Variants in CSNK2A1 observed in about 807,000 individuals in gnomAD.
The protein encoded by CSNK2A1 is casein kinase II subunit alpha.
CSNK2A1 carries 10 observed loss-of-function variants against 62.9 expected under a neutral mutation model. The observed-to-expected ratio is 0.16, with a 90% CI of 0.10 to 0.27. The LOEUF is 0.27. Among genes scored for constraint, CSNK2A1 ranks in the 10% least tolerant of loss-of-function variants. The pLI is 1.00. For missense variants in CSNK2A1, 160 were observed against 492.0 expected (o/e 0.33, Z 6.38); for synonymous variants, 124 against 167.8 (o/e 0.74, Z 2.02).
intron 1 of CSNK2A1, among the ~76,000 whole-genome samples, chr20:535,590 T>C (rs1343341668): frequency 6.6e-6 from 1 of 152,098 alleles, no homozygotes; most frequent in Admixed American, 6.5e-5. Context: ...ACCCCGCCTC[T>C]ACTAAAAATA....
At chr20:487,986 G>T in intron 11 of CSNK2A1, 1 of 236,490 alleles carries the variant, frequency 4.2e-6, no homozygotes, top group Non-Finnish European at 8.3e-6. Flanking sequence ...GTGGTTAAGT[G>T]TATAAGTACT....
At chr20:485,109 A>AATATAAATATATATATATAT (rs2018062471) in intron 13 of CSNK2A1, among the ~76,000 whole-genome samples, 1 of 24,666 alleles carries the variant, frequency 4.1e-5, no homozygotes, top group Non-Finnish European at 7.2e-5. Flanking sequence ...AAAAAAAAAA[A>AATATAAATATATATATATAT]ATATATATAT....
Position 483,772 on chromosome 20 carries a change from A to G in CSNK2A1, c.*189T>C. The stretch of plus-strand genomic sequence containing the variant: ...GAGTTATGAAAAGTTCGAGTTAAAA[A>G]AAAAAAGAAAAAAGAAAATCAGCCT... On this transcript the variant is annotated 3_prime_UTR_variant, in exon 14 of 14. Transcript: ENST00000217244. 1 of 407,988 alleles carries G rather than the reference A, an allele frequency of 2.5e-6. No individual in the cohort carries two copies. Among genetic ancestry groups the G allele is most frequent in the Non-Finnish European group, 4.2e-6 (1 of 239,038 alleles). 25.3% of individuals were successfully genotyped at this position (407,988 alleles called of 1,614,324 possible).
intron 1 of CSNK2A1, among the ~76,000 whole-genome samples, chr20:535,034 CAAAAAAAAAAAAAAAAAAA>C (rs11469217): frequency 3.1e-4 from 16 of 50,796 alleles, no homozygotes; most frequent in Admixed American, 2.4e-3. Flanking sequence ...TGCTATCTCC[CAAAAAAAAAAAAAAAAAAA>C]AAAAAAAAAA....
chr20:497,860 C>G, intron 6 of CSNK2A1, 80 bp from the exon 7 acceptor site: 1 of 1,270,536 alleles, frequency 7.9e-7, no homozygotes, highest in Non-Finnish European at 1.1e-6. Context: ...TAATTCAAAC[C>G]AAGACTTGGC....
rs2017960822 is a variant in CSNK2A1, at chr20:481,765, AAAAG to A, written c.*2192_*2195del. On this transcript the variant is annotated 3_prime_UTR_variant, in exon 14 of 14. Coordinates refer to ENST00000217244, the MANE Select transcript of CSNK2A1 (RefSeq NM_177559.3). Reference sequence around the variant, plus strand: ...TGATTTACAACCCTCTCCCCACCTCAAAAGAAAGAACTCATTAGTTATAAGTGTC... The same window carrying A: ...TGATTTACAACCCTCTCCCCACCTCAAAAGAACTCATTAGTTATAAGTGTC... 1 of 152,154 alleles carries A rather than the reference AAAAG, an allele frequency of 6.6e-6. No homozygotes were observed. The highest frequency in any genetic ancestry group is 2.1e-4 in the South Asian group (1 of 4,832). 9.4% of individuals were successfully genotyped at this position (152,154 alleles called of 1,614,324 possible). A position where few individuals can be genotyped will look rare whatever the true frequency, so the allele number is the denominator to read the frequency against.
At chr20:508,357 C>G in intron 3 of CSNK2A1, 94 bp downstream of exon 3, 2 of 1,390,176 alleles carry the variant, frequency 1.4e-6, no homozygotes, top group Non-Finnish European at 2.0e-6. Flanking sequence ...TATACACATA[C>G]AGAGTCACGG....
chr20:526,927 T>C (rs1028897307), intron 2 of CSNK2A1: 1 of 147,726 alleles, frequency 6.8e-6, no homozygotes, highest in Non-Finnish European at 1.5e-5. Context: ...CACTCCAGCC[T>C]GGCGACAGTG....
Position 479,180 on chromosome 20 carries a change from CA to C in CSNK2A1, c.*4780del, listed in dbSNP as rs1332082905. 1.3e-5 allele frequency: 2 copies of C among 152,394 alleles called. No homozygotes were observed. Among genetic ancestry groups the C allele is most frequent in the African/African-American group, 4.8e-5 (2 of 41,430 alleles). 9.4% of individuals were successfully genotyped at this position (152,394 alleles called of 1,614,324 possible). On this transcript the variant is annotated 3_prime_UTR_variant, in exon 14 of 14. Transcript: ENST00000217244. ...AAAAGAGTCAGAAATTTTCCAAATG[CA>C]AACATCTATGGCCTCCCTATAATGT...
At position 480,150 on chromosome 20, in the gene CSNK2A1, T is replaced by A. The variant is rs1166116735; in HGVS notation, c.*3811A>T. 2 of 152,136 alleles carry A rather than the reference T, an allele frequency of 1.3e-5. No individual in the cohort carries two copies. Among genetic ancestry groups the A allele is most frequent in the African/African-American group, 4.8e-5 (2 of 41,432 alleles). 9.4% of individuals were successfully genotyped at this position (152,136 alleles called of 1,614,324 possible). The stretch of plus-strand genomic sequence containing the variant: ...TGTCATGTTAGTTCAGTCTGGCCTG[T>A]GGCTTGTAATTATAGCTGCAAACTC... On this transcript the variant is annotated 3_prime_UTR_variant, in exon 14 of 14. Transcript: ENST00000217244.
chr20:512,811 T>A (rs1442215818), intron 2 of CSNK2A1, among the ~76,000 whole-genome samples: 1 of 152,236 alleles, frequency 6.6e-6, no homozygotes, highest in Non-Finnish European at 1.5e-5. Context: ...TTTCTTTGAT[T>A]TTGTAAAACC....
In CSNK2A1 at chr20:495,820, C is replaced by A; in HGVS notation, c.427-18G>T. On this transcript the variant is annotated intron_variant, in intron 7 of 13. Coordinates refer to ENST00000217244, the MANE Select transcript of CSNK2A1 (RefSeq NM_177559.3). ...TCCAGGGCCTGTGGGATGAACGGGT[C>A]AGAAAGGAGTTAGCCTGAATAATAC... 2 of 1,608,676 alleles carry A rather than the reference C, an allele frequency of 1.2e-6. No homozygotes were observed. Among genetic ancestry groups the A allele is most frequent in the Non-Finnish European group, 8.5e-7 (1 of 1,175,070 alleles).
intron 13 of CSNK2A1, 80 bp downstream of exon 13, chr20:486,296 A>G (rs2018096423): frequency 3.3e-6 from 5 of 1,528,916 alleles, no homozygotes; most frequent in Non-Finnish European, 4.5e-6. Flanking sequence ...AAGAGAAGGT[A>G]TACAAGAAAT....
At chr20:510,210 T>C (rs2018689733) in intron 2 of CSNK2A1, 2 of 152,352 alleles carry the variant, frequency 1.3e-5, no homozygotes, top group African/African-American at 4.8e-5. Flanking sequence ...TTCGCTCTTG[T>C]TGCTCAGGCT....
At position 478,965 on chromosome 20, in the gene CSNK2A1, G is replaced by A. The variant is rs6052307; in HGVS notation, c.*4996C>T. 3 of 157,304 alleles carry A rather than the reference G, an allele frequency of 1.9e-5. No individual in the cohort carries two copies. Among genetic ancestry groups the A allele is most frequent in the Non-Finnish European group, 4.2e-5 (3 of 70,618 alleles). 9.7% of individuals were successfully genotyped at this position (157,304 alleles called of 1,614,324 possible). ...ACAAAAAACTTCTAGTGAGTAGAGC[G>A]ACAGGGAGACAAATCCAGTTTGTAA... On this transcript the variant is annotated 3_prime_UTR_variant, in exon 14 of 14. Coordinates refer to ENST00000217244, the MANE Select transcript of CSNK2A1 (RefSeq NM_177559.3).
intron 11 of CSNK2A1, 52 bp downstream of exon 11, chr20:488,626 C>T: frequency 6.5e-7 from 1 of 1,549,316 alleles, no homozygotes; most frequent in Non-Finnish European, 8.9e-7. Flanking sequence ...AGTGCCAGTT[C>T]ACTCTCAAAG....
intron 2 of CSNK2A1, among the ~76,000 whole-genome samples, chr20:524,421 CAA>C (rs71191944): frequency 4.5e-4 from 34 of 74,758 alleles, no homozygotes; most frequent in African/African-American, 1.3e-3. Flanking sequence ...GGCTCCTTCT[CAA>C]AAAAAAAAAA....
At chr20:490,496 C>T (rs2018205358) in intron 9 of CSNK2A1, among the ~76,000 whole-genome samples, 1 of 149,196 alleles carries the variant, frequency 6.7e-6, no homozygotes, top group Admixed American at 6.7e-5. Flanking sequence ...ACTCAGCTTC[C>T]CAGGTTCAAG....
In CSNK2A1 at chr20:475,631, T is replaced by A. The variant is rs2122466865; in HGVS notation, c.*8330A>T. The stretch of plus-strand genomic sequence containing the variant: ...GTAATAAGACTAAACATACACACCC[T>A]TTGCCATATAACCTCATAAAGTTTT... On this transcript the variant is annotated 3_prime_UTR_variant, in exon 14 of 14. Transcript: ENST00000217244. 1 of 152,202 alleles carries A rather than the reference T, an allele frequency of 6.6e-6. No homozygotes were observed. Among genetic ancestry groups the A allele is most frequent in the African/African-American group, 2.4e-5 (1 of 41,544 alleles). The allele number at this position is 152,202 out of a possible 1,614,324, so 9.4% of individuals were successfully genotyped here.
Sources: allele counts gnomAD v4.1 joint callset (sites outside exome capture counted in the v4.1 genomes callset), GRCh38; gene constraint gnomAD v4.1.1; transcripts MANE v1.5; gene names NCBI Gene and HGNC (gene_info 2026-07-23, HGNC 2026-07-21).